Variants in NRXN1 observed in about 807,000 individuals in gnomAD.
The protein encoded by NRXN1 is neurexin-1.
In NRXN1, 39 loss-of-function variants were observed where a neutral mutation model predicts 150.9. The observed-to-expected ratio is 0.26, with a 90% CI of 0.20 to 0.34. NRXN1 has a LOEUF of 0.34. Among genes scored for constraint, NRXN1 ranks in the 10% least tolerant of loss-of-function variants. The pLI, the probability that NRXN1 is intolerant of heterozygous loss-of-function variation, is 1.00. For synonymous variants in NRXN1, 924 were observed against 757.0 expected (o/e 1.22, Z -3.62); for missense variants, 1,815 against 1,949.9 (o/e 0.93, Z 1.30).
At chr2:50,015,040 A>G (rs1194083876) in intron 21 of NRXN1, among the ~76,000 whole-genome samples, 1 of 152,128 alleles carries the variant, frequency 6.6e-6, no homozygotes, top group African/African-American at 2.4e-5. Context: ...ATTTTGTTGT[A>G]TCTAACCTTA....
At chr2:50,644,073 T>A (rs1336758621) in intron 5 of NRXN1, among the ~76,000 whole-genome samples, 2 of 151,786 alleles carry the variant, frequency 1.3e-5, no homozygotes, top group Admixed American at 1.3e-4. Flanking sequence ...AAAGTGTTAT[T>A]ATTTTCTTTA....
intron 17 of NRXN1, among the ~76,000 whole-genome samples, chr2:50,406,298 A>C (rs896151398): frequency 1.3e-5 from 2 of 152,168 alleles, no homozygotes; most frequent in African/African-American, 4.8e-5. Context: ...TCTAATAAAT[A>C]AAGGGGAAAA....
At chr2:50,234,612 T>C (rs1559141893) in intron 18 of NRXN1, among the ~76,000 whole-genome samples, 1 of 152,066 alleles carries the variant, frequency 6.6e-6, no homozygotes, top group African/African-American at 2.4e-5. Context: ...AAAATTTAAT[T>C]TGACCAGATT....
chr2:50,632,587 G>C (rs906144169), intron 5 of NRXN1: 7 of 151,926 alleles, frequency 4.6e-5, no homozygotes, highest in Admixed American at 4.6e-4. Flanking sequence ...GATCCCCAAG[G>C]TGATTCTAGT....
intron 2 of NRXN1, among the ~76,000 whole-genome samples, chr2:50,926,228 G>A (rs960758544): frequency 6.6e-6 from 1 of 151,872 alleles, no homozygotes; most frequent in African/African-American, 2.4e-5. Flanking sequence ...CCAGTATAAA[G>A]CAAACATTAT....
At chr2:50,206,883 T>TACACACACAC (rs367944282) in intron 18 of NRXN1, among the ~76,000 whole-genome samples, 1 of 149,612 alleles carries the variant, frequency 6.7e-6, no homozygotes, top group African/African-American at 2.5e-5. Context: ...AAATGGGCAG[T>TACACACACAC]ACACACACAC....
chr2:50,984,684 G>C (rs934862305), intron 2 of NRXN1, among the ~76,000 whole-genome samples: 2 of 152,044 alleles, frequency 1.3e-5, no homozygotes, highest in African/African-American at 4.8e-5. Context: ...AAAGTGAAAA[G>C]TATATTGCCC....
chr2:50,118,766 A>T (rs1165614346), intron 18 of NRXN1, among the ~76,000 whole-genome samples: 1 of 152,196 alleles, frequency 6.6e-6, no homozygotes, highest in Non-Finnish European at 1.5e-5. Flanking sequence ...AGATTTTCAG[A>T]TTTAGCTGCC....
At chr2:50,575,945 GA>G (rs1558960328) in intron 8 of NRXN1, among the ~76,000 whole-genome samples, 1 of 152,066 alleles carries the variant, frequency 6.6e-6, no homozygotes. Context: ...AGTTACTTTT[GA>G]AAGAGTTGTT....
intron 5 of NRXN1, among the ~76,000 whole-genome samples, chr2:50,818,828 C>G (rs978058925): frequency 2.6e-5 from 4 of 152,002 alleles, no homozygotes; most frequent in Non-Finnish European, 5.9e-5. Flanking sequence ...GGCAGAAACA[C>G]AACTTGATTA....
At chr2:50,518,983 A>G (rs917365278) in intron 12 of NRXN1, among the ~76,000 whole-genome samples, 5 of 151,908 alleles carry the variant, frequency 3.3e-5, no homozygotes, top group Admixed American at 2.6e-4. Context: ...CTGGGAAGTC[A>G]TTATAATGCG....
Position 50,988,402 on chromosome 2 carries a change from T to C in NRXN1, c.772+39100A>G, listed in dbSNP as rs188530219. 5.3e-5 allele frequency among the ~76,000 whole-genome samples: 8 copies of C among 152,106 alleles called. No individual in the cohort carries two copies. In the East Asian group the frequency reaches 1.6e-3, roughly 30 times the overall value. On this transcript the variant is annotated intron_variant, in intron 2 of 22. Coordinates refer to ENST00000401669, the MANE Select transcript of NRXN1 (RefSeq NM_001330078.2). The stretch of plus-strand genomic sequence containing the variant: ...GTGAACAGTATGGCTTCATGGCTTT[T>C]ACTACTATGACAAACTAGACAGTTT...
chr2:50,726,735 A>G (rs1697408518), intron 5 of NRXN1, among the ~76,000 whole-genome samples: 1 of 152,208 alleles, frequency 6.6e-6, no homozygotes. Context: ...TCCCTCCATT[A>G]GTAAACACAA....
intron 5 of NRXN1, among the ~76,000 whole-genome samples, chr2:50,853,872 C>T (rs1233610926): frequency 6.6e-6 from 1 of 152,064 alleles, no homozygotes; most frequent in African/African-American, 2.4e-5. Context: ...GAAAACAGTA[C>T]AGGAACTTCC....
intron 18 of NRXN1, among the ~76,000 whole-genome samples, chr2:50,235,218 T>A (rs1047470496): frequency 3.3e-5 from 5 of 152,134 alleles, no homozygotes; most frequent in African/African-American, 9.6e-5. Context: ...ATTTTGAAAG[T>A]TGAGCTTACT....
intron 18 of NRXN1, among the ~76,000 whole-genome samples, chr2:50,171,217 C>T (rs2060011180): frequency 1.4e-5 from 2 of 147,374 alleles, no homozygotes; most frequent in South Asian, 4.4e-4. Flanking sequence ...CAGTTCAATC[C>T]TGTATTGTTC....
chr2:50,416,976 T>G (rs2104188352), intron 17 of NRXN1: 1 of 152,238 alleles, frequency 6.6e-6, no homozygotes, highest in South Asian at 2.1e-4. Context: ...TAAATGAAAC[T>G]GCAATATTTA....
At chr2:50,486,686 A>G (rs1241431349) in intron 15 of NRXN1, among the ~76,000 whole-genome samples, 7 of 151,958 alleles carry the variant, frequency 4.6e-5, no homozygotes, top group African/African-American at 1.7e-4. Context: ...GGGGAGAGGG[A>G]GGAGAGAACT....
At chr2:50,493,198 T>C (rs1030320810) in intron 15 of NRXN1, among the ~76,000 whole-genome samples, 1 of 152,306 alleles carries the variant, frequency 6.6e-6, no homozygotes, top group Admixed American at 6.5e-5. Flanking sequence ...ACATGATTAG[T>C]ATGCAAAGAA....
Sources: allele counts gnomAD v4.1 joint callset (sites outside exome capture counted in the v4.1 genomes callset), GRCh38; gene constraint gnomAD v4.1.1; transcripts MANE v1.5; gene names NCBI Gene and HGNC (gene_info 2026-07-23, HGNC 2026-07-21).